PLAC1: variants seen among roughly 807,000 people sequenced by gnomAD.
The protein encoded by PLAC1 is placenta associated 1.
For synonymous variants in PLAC1, 68 were observed against 62.1 expected (o/e 1.09, Z -0.44); for missense variants, 136 against 163.2 (o/e 0.83, Z 0.91).
intron 2 of PLAC1, among the ~76,000 whole-genome samples, chrX:134,715,489 C>T (rs1023369765): frequency 3.7e-5 from 4 of 107,928 alleles, no homozygotes; most frequent in African/African-American, 1.4e-4. Context: ...ACCGTTCTAC[C>T]TTGGGCTACT....
chrX:134,699,767 A>G (rs771213845), intron 2 of PLAC1, among the ~76,000 whole-genome samples: 18 of 112,126 alleles, frequency 1.6e-4, no homozygotes, highest in Admixed American at 4.7e-4. Context: ...TTTAAAAAGT[A>G]TAAATCAGTT....
chrX:134,687,815 CATATATATATATATATATATATATATAT>C lies in PLAC1; in HGVS notation n.174+45592_174+45619del, dbSNP rs56675396. ...TAAGTTTGTTTTAGGACTGAGATAA[CATATATATATATATATATATATATATAT>C]ATATATATATATATATATATATATA... On this transcript the variant is annotated intron_variant and non_coding_transcript_variant, in intron 2 of 2. Transcript: ENST00000466797. Among the ~76,000 whole-genome samples the C allele has an allele frequency of 3.1e-3, 98 of 31,142 alleles. 1 individual carries two copies. The highest frequency in any genetic ancestry group is 4.3e-3 in the Admixed American group (8 of 1,870). The allele number at this position is 31,142 out of a possible 115,157, so 27.0% of individuals were successfully genotyped here.
intron 1 of PLAC1, among the ~76,000 whole-genome samples, chrX:134,634,559 A>G (rs766032125): frequency 5.5e-4 from 61 of 111,860 alleles, no homozygotes; most frequent in Non-Finnish European, 9.0e-4. Flanking sequence ...GGAACCAGTA[A>G]TCTAATTTCT....
chrX:134,722,410 G>A (rs769533781), intron 2 of PLAC1, among the ~76,000 whole-genome samples: 2 of 112,354 alleles, frequency 1.8e-5, no homozygotes, highest in Non-Finnish European at 3.7e-5. Context: ...ATTCAGCAAA[G>A]TGAAATAAGC....
intron 2 of PLAC1, among the ~76,000 whole-genome samples, chrX:134,698,252 G>T (rs1471123567): frequency 9.0e-6 from 1 of 111,111 alleles, no homozygotes; most frequent in East Asian, 2.8e-4. Context: ...AGGAGTTTGA[G>T]ACCAGCTTAG....
intron 1 of PLAC1, among the ~76,000 whole-genome samples, chrX:134,612,542 G>T (rs963531206): frequency 9.0e-6 from 1 of 111,265 alleles, no homozygotes; most frequent in Non-Finnish European, 1.9e-5. Context: ...AACATGTCAG[G>T]GTCTTAGTTT....
chrX:134,580,112 G>A (rs1158116771), intron 2 of PLAC1, among the ~76,000 whole-genome samples: 2 of 112,270 alleles, frequency 1.8e-5, no homozygotes, highest in Non-Finnish European at 3.8e-5. Context: ...CTTATACAAA[G>A]AGCAACAACT....
chrX:134,636,584 G>C (rs1234278729), intron 1 of PLAC1, among the ~76,000 whole-genome samples: 1 of 112,245 alleles, frequency 8.9e-6, no homozygotes, highest in East Asian at 2.8e-4. Context: ...GGAGGGATGG[G>C]ATGCAGTGTG....
rs781419728 is a variant in PLAC1, at chrX:134,575,527, T to C, written c.-58-8787A>G. Among the ~76,000 whole-genome samples, 3 of 109,144 alleles carry C rather than the reference T, an allele frequency of 2.7e-5. No individual in the cohort carries two copies. In the South Asian group the frequency reaches 1.2e-3, roughly 44 times the overall value. The allele number at this position is 109,144 out of a possible 115,157, so 94.8% of individuals were successfully genotyped here. Reference sequence around the variant, plus strand: ...GCTCACGCCTGTAATCCCAGCACTTTAGGAGGCCAAGGCGGGTAGATCATG... The same window carrying C: ...GCTCACGCCTGTAATCCCAGCACTTCAGGAGGCCAAGGCGGGTAGATCATG... On this transcript the variant is annotated intron_variant, in intron 2 of 2. Transcript: ENST00000359237.
chrX:134,595,541 G>A (rs1220652367), intron 2 of PLAC1, among the ~76,000 whole-genome samples: 1 of 108,228 alleles, frequency 9.2e-6, no homozygotes, highest in Non-Finnish European at 1.9e-5. Context: ...CTGTTGTTTG[G>A]TGCATGAACA....
intron 2 of PLAC1, among the ~76,000 whole-genome samples, chrX:134,708,775 T>C (rs1252174685): frequency 1.8e-5 from 2 of 111,233 alleles, no homozygotes; most frequent in Non-Finnish European, 3.8e-5. Flanking sequence ...CAAACTCAGG[T>C]GATCCGCCCA....
intron 2 of PLAC1, among the ~76,000 whole-genome samples, chrX:134,588,772 G>A (rs765907718): frequency 1.0e-3 from 112 of 110,544 alleles, no homozygotes; most frequent in Non-Finnish European, 1.7e-3. Context: ...GGGGCCCAGG[G>A]AGAAAAATGA....
intron 2 of PLAC1, among the ~76,000 whole-genome samples, chrX:134,593,763 C>A (rs1384010685): frequency 8.9e-6 from 1 of 111,736 alleles, no homozygotes; most frequent in Non-Finnish European, 1.9e-5. Flanking sequence ...ATCTCCTGAC[C>A]TTGCTGAACT....
intron 1 of PLAC1, chrX:134,607,617 T>G (rs780115417): frequency 7.2e-6 from 1 of 139,170 alleles, no homozygotes; most frequent in South Asian, 2.3e-4. Context: ...CTACTCCGCA[T>G]GAATTCATGG....
At chrX:134,581,473 A>G (rs749508313) in intron 2 of PLAC1, among the ~76,000 whole-genome samples, 1 of 53,158 alleles carries the variant, frequency 1.9e-5, no homozygotes, top group Admixed American at 3.1e-4. Flanking sequence ...GGTTTCTCAG[A>G]CTCTTTTTTT....
At chrX:134,747,366 G>T (rs2078731320) in intron 1 of PLAC1, among the ~76,000 whole-genome samples, 1 of 111,273 alleles carries the variant, frequency 9.0e-6, no homozygotes, top group African/African-American at 3.3e-5. Context: ...AAATGAGGAG[G>T]GGGTGGGGAA....
At chrX:134,756,409 T>C (rs2078757331) in intron 1 of PLAC1, among the ~76,000 whole-genome samples, 1 of 109,667 alleles carries the variant, frequency 9.1e-6, no homozygotes, top group Admixed American at 9.8e-5. Flanking sequence ...AAATATTTTA[T>C]ATAATAAGCT....
chrX:134,570,291 G>C (rs1314816682), intron 2 of PLAC1, among the ~76,000 whole-genome samples: 5 of 111,610 alleles, frequency 4.5e-5, no homozygotes, highest in Non-Finnish European at 9.4e-5. Flanking sequence ...AGAAGGCTGA[G>C]GGGTTAGAGA....
At chrX:134,682,394 T>C (rs1258567946) in intron 2 of PLAC1, among the ~76,000 whole-genome samples, 1 of 111,840 alleles carries the variant, frequency 8.9e-6, no homozygotes, top group Non-Finnish European at 1.9e-5. Context: ...CAAGGAGCCC[T>C]GGCTTCTGCT....
Sources: allele counts gnomAD v4.1 joint callset (sites outside exome capture counted in the v4.1 genomes callset), GRCh38; gene constraint gnomAD v4.1.1; transcripts MANE v1.5; gene names NCBI Gene and HGNC (gene_info 2026-07-23, HGNC 2026-07-21).